Variants in SLC30A6 observed in about 807,000 individuals in gnomAD.
SLC30A6 encodes the protein zinc transporter 6.
SLC30A6 carries 55 observed loss-of-function variants against 63.0 expected under a neutral mutation model. The ratio of observed to expected loss-of-function variants is 0.87; its 90% confidence interval spans 0.70 to 1.09. The LOEUF is 1.09. Ranked by LOEUF, SLC30A6 falls within the 50% of genes least tolerant of loss-of-function variation. The pLI, the probability that SLC30A6 is intolerant of heterozygous loss-of-function variation, is 0.00. For synonymous variants in SLC30A6, 224 were observed against 186.1 expected (o/e 1.20, Z -1.66); for missense variants, 587 against 549.2 (o/e 1.07, Z -0.69).
rs1038965168 is a variant in SLC30A6, at chr2:32,204,645, G to C, written c.721G>C (p.Gly241Arg). 6 of 1,612,606 alleles carry C rather than the reference G, an allele frequency of 3.7e-6. No individual in the cohort carries two copies. The highest frequency in any genetic ancestry group is 5.1e-6 in the Non-Finnish European group (6 of 1,179,352). Residue 241 changes from glycine to arginine, a missense_variant, in exon 11 of 14, where the codon GGC becomes CGC. Physicochemically the swap from Gly to Arg is moderately radical, Grantham distance 125. Transcript: ENST00000282587. The stretch of plus-strand genomic sequence containing the variant: ...TATAGCTATTGCCTTGATGACATTT[G>C]GCACTATGTATCCCATGAGTGTGTA... ...SAIAIALMTF[G>R]TMYPMSVYSG...
chr2:32,192,229 C>T, intron 5 of SLC30A6, 107 bp from the exon 6 acceptor site: 1 of 927,818 alleles, frequency 1.1e-6, no homozygotes. Context: ...TAGTAGACAG[C>T]ACATATGTAT....
chr2:32,208,074 C>T (rs1380247227), intron 12 of SLC30A6, among the ~76,000 whole-genome samples: 1 of 151,034 alleles, frequency 6.6e-6, no homozygotes, highest in Non-Finnish European at 1.5e-5. Flanking sequence ...CCTCGTGATC[C>T]ACCCGCCTCG....
rs191635228 is a variant in SLC30A6 at position 32,203,690 on chromosome 2, G to C, written c.666-900G>C. The C allele has an allele frequency of 2.6e-6, 4 of 1,544,464 alleles. No homozygotes were observed. The South Asian group carries it at 4.5e-5, about 17-fold the overall frequency. On this transcript the variant is annotated intron_variant, in intron 10 of 13. Transcript: ENST00000282587. ...ATGTGCCTCCTGAAAGGAAATGTGCGTGTTTGCTTTGATGTTCCTACAACT... is the reference window on the plus strand; with the variant it reads ...ATGTGCCTCCTGAAAGGAAATGTGCCTGTTTGCTTTGATGTTCCTACAACT...
chr2:32,195,747 A>T (rs912571789), intron 8 of SLC30A6, among the ~76,000 whole-genome samples: 5 of 151,804 alleles, frequency 3.3e-5, no homozygotes, highest in Admixed American at 1.3e-4. Context: ...TACCTGTGTT[A>T]CCCAGGCTGG....
At chr2:32,212,649 T>C (rs892632050) in intron 13 of SLC30A6, among the ~76,000 whole-genome samples, 1 of 139,570 alleles carries the variant, frequency 7.2e-6, no homozygotes, top group Non-Finnish European at 1.5e-5. Context: ...CTAGACTGAG[T>C]GCAATGGCTT....
At chr2:32,204,294 G>T (rs528008144) in intron 10 of SLC30A6, among the ~76,000 whole-genome samples, 1 of 152,038 alleles carries the variant, frequency 6.6e-6, no homozygotes, top group Non-Finnish European at 1.5e-5. Flanking sequence ...CTAGTTGACA[G>T]ATAGTTTGAC....
At chr2:32,169,248 C>CTGCTTGACT (rs1491075449) in intron 1 of SLC30A6, among the ~76,000 whole-genome samples, 1 of 152,140 alleles carries the variant, frequency 6.6e-6, no homozygotes, top group Non-Finnish European at 1.5e-5. Context: ...ACCTGGCTCA[C>CTGCTTGACT]TGCTTGACTT....
intron 13 of SLC30A6, among the ~76,000 whole-genome samples, chr2:32,215,453 C>T (rs748853030): frequency 4.0e-5 from 6 of 150,638 alleles, no homozygotes; most frequent in Non-Finnish European, 7.4e-5. Context: ...CCTCAGCCTC[C>T]CAAAGTGCTG....
intron 12 of SLC30A6, 59 bp downstream of exon 12, chr2:32,206,992 A>G: frequency 7.8e-7 from 1 of 1,281,616 alleles, no homozygotes; most frequent in Non-Finnish European, 1.1e-6. Flanking sequence ...GAAAAGGTGG[A>G]TACTTTTAAT....
At chr2:32,186,161 G>A (rs189985508) in intron 5 of SLC30A6, among the ~76,000 whole-genome samples, 1 of 151,270 alleles carries the variant, frequency 6.6e-6, no homozygotes, top group East Asian at 1.9e-4. Context: ...CAACCTCCAG[G>A]GTATCTGGGA....
intron 1 of SLC30A6, 68 bp downstream of exon 1, chr2:32,165,971 C>T (rs1162617301): frequency 2.5e-6 from 4 of 1,609,424 alleles, no homozygotes; most frequent in African/African-American, 1.3e-5. Flanking sequence ...GGTCCCGAAG[C>T]GACCTTGAAA....
Position 32,224,355 on chromosome 2 carries a change from A to G in SLC30A6, c.*3642A>G, listed in dbSNP as rs561246442. ...AACTGTTGCATGTTTTTAATCATCA[A>G]ATTAAACTTCTTTCCACGTCCTTAT... is the stretch of plus-strand genomic sequence containing the variant. On this transcript the variant is annotated 3_prime_UTR_variant, in exon 14 of 14. Coordinates refer to ENST00000282587, the MANE Select transcript of SLC30A6 (RefSeq NM_017964.5). The G allele has an allele frequency of 8.7e-5, 61 of 697,990 alleles. 1 individual carries two copies. In the East Asian group the frequency reaches 9.3e-4, roughly 11 times the overall value. 43.2% of individuals were successfully genotyped at this position (697,990 alleles called of 1,614,324 possible). A position where few individuals can be genotyped will look rare whatever the true frequency, so the allele number is the denominator to read the frequency against.
intron 4 of SLC30A6, among the ~76,000 whole-genome samples, chr2:32,183,628 C>T (rs1255902063): frequency 6.8e-6 from 1 of 146,218 alleles, no homozygotes; most frequent in Non-Finnish European, 1.5e-5. Flanking sequence ...GAAGAGGTTT[C>T]AGTGAGCCGA....
intron 13 of SLC30A6, 45 bp downstream of exon 13, chr2:32,209,606 T>A (rs1685080229): frequency 2.1e-6 from 3 of 1,457,588 alleles, no homozygotes; most frequent in African/African-American, 1.4e-5. Flanking sequence ...TAAAATATAG[T>A]CTTCCATTTT....
chr2:32,171,401 A>T, intron 2 of SLC30A6, 28 bp downstream of exon 2: 1 of 1,537,932 alleles, frequency 6.5e-7, no homozygotes, highest in Non-Finnish European at 9.0e-7. Flanking sequence ...CCCAATTTTA[A>T]TTATTGCACA....
At chr2:32,185,070 G>C (rs911926230) in intron 5 of SLC30A6, among the ~76,000 whole-genome samples, 2 of 152,106 alleles carry the variant, frequency 1.3e-5, no homozygotes, top group Admixed American at 6.5e-5. Flanking sequence ...TTTGAGATTT[G>C]TTTCCATAAT....
At chr2:32,212,894 ATTTTTTTTTTTT>A (rs10522618) in intron 13 of SLC30A6, among the ~76,000 whole-genome samples, 1 of 118,252 alleles carries the variant, frequency 8.5e-6, no homozygotes, top group African/African-American at 3.2e-5. Flanking sequence ...TGTGTCCAGC[ATTTTTTTTTTTT>A]TTTTTTTTTT....
At chr2:32,213,774 A>G (rs1163969630) in intron 13 of SLC30A6, among the ~76,000 whole-genome samples, 3 of 137,950 alleles carry the variant, frequency 2.2e-5, no homozygotes, top group Non-Finnish European at 3.2e-5. Context: ...TATTTTTCCT[A>G]TATTAACAGG....
chr2:32,183,772 A>G (rs770345377), intron 4 of SLC30A6, among the ~76,000 whole-genome samples: 1 of 152,090 alleles, frequency 6.6e-6, no homozygotes, highest in African/African-American at 2.4e-5. Context: ...TGTTACCTCA[A>G]TTTCATATTG....
Sources: allele counts gnomAD v4.1 joint callset (sites outside exome capture counted in the v4.1 genomes callset), GRCh38; gene constraint gnomAD v4.1.1; transcripts MANE v1.5; gene names NCBI Gene and HGNC (gene_info 2026-07-23, HGNC 2026-07-21).